The following MMP17 variants were observed in gnomAD, a reference collection of about 807,000 sequenced individuals.
MMP17 encodes the protein matrix metalloproteinase-17.
MMP17 carries 54 observed loss-of-function variants against 49.1 expected under a neutral mutation model. That is an observed-to-expected ratio of 1.10 (90% CI 0.88 to 1.38). MMP17 has a LOEUF of 1.38. MMP17 is among the 40% of genes most tolerant of loss of function. MMP17 has a pLI of 0.00. For synonymous variants in MMP17, 397 were observed against 383.1 expected (o/e 1.04, Z -0.42); for missense variants, 837 against 853.7 (o/e 0.98, Z 0.24).
In MMP17 at chr12:131,845,352, A is replaced by G. The variant is rs1381081723; in HGVS notation, c.1107A>G (p.Ala369=). The change falls in exon 8 of 10, where the codon GCA becomes GCG. Residue 369 remains alanine, a synonymous_variant. Coordinates refer to ENST00000360564, the MANE Select transcript of MMP17 (RefSeq NM_016155.7). Reference sequence around the variant, plus strand: ...GGCACCTGGTGTCCCTGCAGCCGGCACAGATGCACCGCTTCTGGCGGGGCC... The same window carrying G: ...GGCACCTGGTGTCCCTGCAGCCGGCGCAGATGCACCGCTTCTGGCGGGGCC... The part of the protein sequence containing the change: ...RDRHLVSLQP[A]QMHRFWRGLP... 6.2e-7 allele frequency: 1 copy of G among 1,602,448 alleles called. No individual in the cohort carries two copies. The highest frequency in any genetic ancestry group is 1.7e-5 in the Admixed American group (1 of 59,784).
rs568391388 is a variant in MMP17, at chr12:131,840,409, C to T, written c.423-164C>T. ...ATCTATCCCAGTGAACTACTGGAAC[C>T]GCCGTGAGTGCATCGGATGACTCCT... On this transcript the variant is annotated intron_variant, in intron 3 of 9. Transcript: ENST00000360564. 1.7e-4 allele frequency: 113 copies of T among 678,670 alleles called. No homozygotes were observed. In the Middle Eastern group the frequency reaches 1.7e-3, roughly 10 times the overall value. The allele number at this position is 678,670 out of a possible 1,614,324, so 42.0% of individuals were successfully genotyped here.
At chr12:131,830,338 A>G (rs1039493824) in intron 1 of MMP17, among the ~76,000 whole-genome samples, 2 of 152,072 alleles carry the variant, frequency 1.3e-5, no homozygotes, top group East Asian at 3.9e-4. Context: ...CGAGCGGAGG[A>G]TGTGGCTCCC....
chr12:131,844,424 C>G lies in MMP17; in HGVS notation c.968+343C>G, dbSNP rs989473420. 7.2e-5 allele frequency: 26 copies of G among 360,554 alleles called. No individual in the cohort carries two copies. The East Asian group carries it at 1.6e-3, about 22-fold the overall frequency. The allele number at this position is 360,554 out of a possible 1,614,324, so 22.3% of individuals were successfully genotyped here. On this transcript the variant is annotated intron_variant, in intron 6 of 9. Transcript: ENST00000360564. ...CAGGCAGGGCCTGCGAGTGTCTGGC[C>G]TGTGCCCCCAGCGGGAGGGATGTTC...
At chr12:131,841,589 T>C in intron 4 of MMP17, 35 bp from the exon 5 acceptor site, 1 of 1,611,770 alleles carries the variant, frequency 6.2e-7, no homozygotes, top group Non-Finnish European at 8.5e-7. Flanking sequence ...AGGGCCCTTC[T>C]TGCCCTTAGT....
chr12:131,842,571 T>G (rs1887471009), intron 5 of MMP17, among the ~76,000 whole-genome samples: 1 of 151,986 alleles, frequency 6.6e-6, no homozygotes, highest in Non-Finnish European at 1.5e-5. Context: ...GTCAGGAGTT[T>G]GAGACCAGCC....
chr12:131,849,935 T>C lies in MMP17; in HGVS notation c.1338T>C (p.Phe446=), dbSNP rs1233626954. The stretch of plus-strand genomic sequence containing the variant: ...CCCACAATGACAGGACTTATTTCTT[T>C]AAGGACCAGCTGTACTGGCGCTACG... ...SWAHNDRTYF[F]KDQLYWRYDD... The change falls in exon 9 of 10, where the codon TTT becomes TTC. Residue 446 remains phenylalanine (F), a synonymous_variant. Transcript: ENST00000360564. 2 of 1,614,016 alleles carry C rather than the reference T, an allele frequency of 1.2e-6. No individual in the cohort carries two copies. Among genetic ancestry groups the C allele is most frequent in the Non-Finnish European group, 1.7e-6 (2 of 1,179,992 alleles).
At chr12:131,835,463 T>A (rs927861398) in intron 1 of MMP17, among the ~76,000 whole-genome samples, 2 of 152,198 alleles carry the variant, frequency 1.3e-5, no homozygotes, top group African/African-American at 2.4e-5. Flanking sequence ...CTGAAATGCA[T>A]GTGGCCTCGT....
Position 131,841,779 on chromosome 12 carries a change from G to T in MMP17, c.862G>T (p.Val288Leu). The change falls in exon 5 of 10, where the codon GTG becomes TTG. Residue 288 changes from valine (V) to leucine (L), a missense_variant. Physicochemically the swap from Val to Leu is conservative, Grantham distance 32. Coordinates refer to ENST00000360564, the MANE Select transcript of MMP17 (RefSeq NM_016155.7). ...LRYGLPYEDK[V>L]RVWQLYGVRE... ...CTACGGGCTCCCCTACGAGGACAAG[G>T]TGCGCGTCTGGCAGCTGTACGGTGA... 1.2e-6 allele frequency: 2 copies of T among 1,604,998 alleles called. No homozygotes were observed. Among genetic ancestry groups the T allele is most frequent in the East Asian group, 2.2e-5 (1 of 44,470 alleles).
chr12:131,838,431 G>A, intron 2 of MMP17, 104 bp downstream of exon 2: 3 of 1,489,878 alleles, frequency 2.0e-6, no homozygotes, highest in Non-Finnish European at 2.7e-6. Context: ...ATGCTTGAAT[G>A]AACCTGGGTC....
At chr12:131,844,761 G>A (rs920899020) in intron 6 of MMP17, 1 of 332,514 alleles carries the variant, frequency 3.0e-6, no homozygotes, top group African/African-American at 2.1e-5. Flanking sequence ...CACGCTTCTT[G>A]TAGGACCGAA....
At chr12:131,845,227 G>T in intron 7 of MMP17, 27 bp downstream of exon 7, 1 of 1,614,000 alleles carries the variant, frequency 6.2e-7, no homozygotes, top group East Asian at 2.2e-5. Context: ...CGTGGCGGTT[G>T]GCTGAGGGCC....
intron 1 of MMP17, among the ~76,000 whole-genome samples, chr12:131,831,730 T>C (rs1285331171): frequency 2.1e-5 from 3 of 143,148 alleles, no homozygotes; most frequent in African/African-American, 8.0e-5. Flanking sequence ...TCAGTCTCCC[T>C]GTCTGCGCAA....
chr12:131,840,447 A>T, intron 3 of MMP17, 126 bp from the exon 4 acceptor site: 1 of 971,228 alleles, frequency 1.0e-6, no homozygotes. Context: ...CGTGGGGAGG[A>T]AGGCGGAAGA....
rs2136345887 is a variant in MMP17 at position 131,849,861 on chromosome 12, T to C, written c.1264T>C (p.Ser422Pro). 1 of 1,614,022 alleles carries C rather than the reference T, an allele frequency of 6.2e-7. No individual in the cohort carries two copies. The change falls in exon 9 of 10, where the codon TCC (serine) becomes CCC (proline). Residue 422 changes from serine (S) to proline (P), a missense_variant. Transcript: ENST00000360564. ...NVEEGYPRPVSDFSLPPGGID... is the reference protein window; with the variant it reads ...NVEEGYPRPVPDFSLPPGGID... Reference sequence around the variant, plus strand: ...AGAGGAAGGATACCCGCGCCCCGTCTCCGACTTCAGCCTCCCGCCTGGCGG... The same window carrying C: ...AGAGGAAGGATACCCGCGCCCCGTCCCCGACTTCAGCCTCCCGCCTGGCGG...
intron 5 of MMP17, among the ~76,000 whole-genome samples, 176 bp from the exon 6 acceptor site, chr12:131,843,821 C>T (rs1887549129): frequency 6.6e-6 from 1 of 152,220 alleles, no homozygotes; most frequent in Non-Finnish European, 1.5e-5. Context: ...AGGGGTCTGA[C>T]TCCCACCTCG....
intron 1 of MMP17, among the ~76,000 whole-genome samples, chr12:131,828,901 G>A (rs1886651349): frequency 6.6e-6 from 1 of 152,042 alleles, no homozygotes; most frequent in Non-Finnish European, 1.5e-5. Context: ...GGAGCGCGCC[G>A]CAGCCGCAGG....
Position 131,849,795 on chromosome 12 carries a change from C to A in MMP17, c.1205-7C>A. ...CCCCGGCCCACAGCTGTTTCTCTCG[C>A]CCCCAGGAGACAGGTACTGGGTGTT... On this transcript the variant is annotated splice_polypyrimidine_tract_variant and splice_region_variant and intron_variant, in intron 8 of 9. Coordinates refer to ENST00000360564, the MANE Select transcript of MMP17 (RefSeq NM_016155.7). The A allele has an allele frequency of 6.2e-7, 1 of 1,606,626 alleles. No homozygotes were observed. Among genetic ancestry groups the A allele is most frequent in the Non-Finnish European group, 8.5e-7 (1 of 1,174,736 alleles).
At chr12:131,849,739 G>A in intron 8 of MMP17, 63 bp from the exon 9 acceptor site, 1 of 1,543,856 alleles carries the variant, frequency 6.5e-7, no homozygotes, top group Non-Finnish European at 8.7e-7. Context: ...AGGAAAGGCA[G>A]GAGCCTCCTG....
chr12:131,841,721 G>C lies in MMP17; in HGVS notation c.804G>C (p.Pro268=). 1.2e-6 allele frequency: 2 copies of C among 1,613,702 alleles called. No homozygotes were observed. Among genetic ancestry groups the C allele is most frequent in the Non-Finnish European group, 1.7e-6 (2 of 1,179,936 alleles). The change falls in exon 5 of 10, where the codon CCG becomes CCC. Residue 268 remains proline (P), a synonymous_variant. Transcript: ENST00000360564. ...HVAAAHSIMR[P]YYQGPVGDPL... ...CCGCTGCACACTCCATCATGCGGCC[G>C]TACTACCAGGGCCCGGTGGGTGACC... is the stretch of plus-strand genomic sequence containing the variant.
Sources: allele counts gnomAD v4.1 joint callset (sites outside exome capture counted in the v4.1 genomes callset), GRCh38; gene constraint gnomAD v4.1.1; transcripts MANE v1.5; gene names NCBI Gene and HGNC (gene_info 2026-07-23, HGNC 2026-07-21).